The following TAS2R1 variants were observed in gnomAD, a reference collection of about 807,000 sequenced individuals.
TAS2R1 encodes the protein taste receptor type 2 member 1.
For missense variants in TAS2R1, 370 were observed against 353.4 expected, an observed-to-expected ratio of 1.05 and a Z score of -0.38; for synonymous variants, 141 against 134.2, an observed-to-expected ratio of 1.05 and a Z score of -0.35.
chr5:9,876,641 T>C, the TAS2R1 span, among the ~76,000 whole-genome samples: 2,907 of 152,318 alleles, frequency 0.019, 80 homozygotes, highest in African/African-American at 0.063. Flanking sequence ...GCCAAATGTA[T>C]TTTGCAGAAG....
chr5:9,839,306 G>T, the TAS2R1 span, among the ~76,000 whole-genome samples: 1 of 152,274 alleles, frequency 6.6e-6, no homozygotes. Flanking sequence ...CACTCAAACT[G>T]CCATGTGAAA....
intron 1 of TAS2R1, among the ~76,000 whole-genome samples, chr5:9,673,132 G>A (rs415990): frequency 0.68 from 103,537 of 151,774 alleles, 37,031 homozygotes; most frequent in Non-Finnish European, 0.8. Flanking sequence ...TAGACACTGC[G>A]GCCTACTTAA....
At chr5:9,678,751 G>C in intron 1 of TAS2R1, among the ~76,000 whole-genome samples, 1 of 152,112 alleles carries the variant, frequency 6.6e-6, no homozygotes, top group East Asian at 1.9e-4. Flanking sequence ...TGGACACATG[G>C]TGGGGAACAA....
the TAS2R1 span, among the ~76,000 whole-genome samples, chr5:9,769,521 T>C: frequency 0.72 from 109,197 of 152,094 alleles, 39,658 homozygotes; most frequent in East Asian, 0.88. Context: ...CTAATTTACA[T>C]TCTCACTAAC....
the TAS2R1 span, among the ~76,000 whole-genome samples, chr5:9,798,074 G>T: frequency 6.6e-6 from 1 of 152,118 alleles, no homozygotes; most frequent in Non-Finnish European, 1.5e-5. Context: ...AAGGGAACGA[G>T]AACATAAATG....
chr5:9,803,079 C>T, the TAS2R1 span, among the ~76,000 whole-genome samples: 1 of 152,120 alleles, frequency 6.6e-6, no homozygotes, highest in Non-Finnish European at 1.5e-5. Flanking sequence ...ATCAAGGACA[C>T]ACTTAGAGAA....
the TAS2R1 span, among the ~76,000 whole-genome samples, chr5:9,732,382 A>G: frequency 6.6e-6 from 1 of 152,202 alleles, no homozygotes; most frequent in African/African-American, 2.4e-5. Context: ...TGGGGGAGTC[A>G]TTGAGGGGAC....
At chr5:9,883,162 G>A in the TAS2R1 span, among the ~76,000 whole-genome samples, 1 of 152,154 alleles carries the variant, frequency 6.6e-6, no homozygotes, top group Non-Finnish European at 1.5e-5. Flanking sequence ...ACTTATAAGT[G>A]GGAGCTGAAC....
chr5:9,822,595 C>T, the TAS2R1 span, among the ~76,000 whole-genome samples: 5 of 152,002 alleles, frequency 3.3e-5, no homozygotes, highest in South Asian at 4.2e-4. Context: ...GTGATCCGCC[C>T]GCCTCGGCCT....
At chr5:9,847,132 C>T in the TAS2R1 span, among the ~76,000 whole-genome samples, 7 of 152,184 alleles carry the variant, frequency 4.6e-5, no homozygotes, top group Non-Finnish European at 1.5e-5. Context: ...CTCACAAAAC[C>T]TTACACGCTG....
chr5:9,855,302 G>C, the TAS2R1 span, among the ~76,000 whole-genome samples: 11 of 152,202 alleles, frequency 7.2e-5, no homozygotes, highest in African/African-American at 2.7e-4. Context: ...CCTGGCAACA[G>C]GGAAAATCCG....
At chr5:9,871,324 C>T in the TAS2R1 span, among the ~76,000 whole-genome samples, 3 of 152,164 alleles carry the variant, frequency 2.0e-5, no homozygotes, top group Non-Finnish European at 4.4e-5. Flanking sequence ...CCAAGCTTGG[C>T]GAGAAAACAG....
chr5:9,783,867 C>T, the TAS2R1 span, among the ~76,000 whole-genome samples: 1 of 152,148 alleles, frequency 6.6e-6, no homozygotes, highest in Non-Finnish European at 1.5e-5. Flanking sequence ...CAGGGAGTTG[C>T]TCAGCACTGG....
the TAS2R1 span, among the ~76,000 whole-genome samples, chr5:9,894,223 C>T: frequency 6.8e-4 from 103 of 151,868 alleles, 2 homozygotes; most frequent in South Asian, 0.02. Flanking sequence ...GCCAACATGA[C>T]GAAACCCCGT....
intron 1 of TAS2R1, among the ~76,000 whole-genome samples, chr5:9,668,484 G>GA (rs1740684766): frequency 6.6e-6 from 1 of 151,930 alleles, no homozygotes; most frequent in African/African-American, 2.4e-5. Flanking sequence ...CAAAATGAAA[G>GA]AAAAAAATGT....
chr5:9,749,920 G>C, the TAS2R1 span, among the ~76,000 whole-genome samples: 2 of 152,152 alleles, frequency 1.3e-5, no homozygotes, highest in Admixed American at 6.6e-5. Flanking sequence ...TGGCCACTAA[G>C]GGGAAAAGAG....
At chr5:9,665,286 TAAC>T (rs1740609796) in intron 1 of TAS2R1, among the ~76,000 whole-genome samples, 3 of 152,376 alleles carry the variant, frequency 2.0e-5, no homozygotes, top group Admixed American at 2.0e-4. Context: ...GCTCCTGCGA[TAAC>T]ATCGAGGCCA....
chr5:9,819,755 T>C, the TAS2R1 span, among the ~76,000 whole-genome samples: 1 of 152,192 alleles, frequency 6.6e-6, no homozygotes, highest in Admixed American at 6.5e-5. Flanking sequence ...GGCAAGCTTA[T>C]ACTGGGCATA....
At chr5:9,785,267 T>C in the TAS2R1 span, among the ~76,000 whole-genome samples, 1 of 152,186 alleles carries the variant, frequency 6.6e-6, no homozygotes, top group Non-Finnish European at 1.5e-5. Flanking sequence ...ATTGTGTAAA[T>C]ATGCATCTTC....
Sources: allele counts gnomAD v4.1 joint callset (sites outside exome capture counted in the v4.1 genomes callset), GRCh38; gene constraint gnomAD v4.1.1; transcripts MANE v1.5; gene names NCBI Gene and HGNC (gene_info 2026-07-23, HGNC 2026-07-21).